Variants in KIAA2012 observed in about 807,000 individuals in gnomAD.
The protein encoded by KIAA2012 is uncharacterized protein KIAA2012.
KIAA2012 carries 125 observed loss-of-function variants against 150.6 expected under a neutral mutation model. The observed-to-expected ratio is 0.83, with a 90% confidence interval of 0.72 to 0.96. KIAA2012 has a LOEUF of 0.96. Among genes scored for constraint, KIAA2012 ranks in the 40% least tolerant of loss-of-function variants. The probability of loss-of-function intolerance (pLI) is 0.00; values close to 1 mark genes in which losing one functional copy is unlikely to be tolerated. For missense variants in KIAA2012, 1,219 were observed against 1,354.9 expected (o/e 0.90, Z 1.57); for synonymous variants, 462 against 504.7 (o/e 0.92, Z 1.13).
intron 4 of KIAA2012, among the ~76,000 whole-genome samples, chr2:202,096,958 CAAGTA>C (rs1378307624): frequency 2.0e-5 from 3 of 152,238 alleles, no homozygotes; most frequent in African/African-American, 4.8e-5. Context: ...GGCTTTTCCA[CAAGTA>C]AAGAGCCAGG....
At chr2:202,125,105 C>A (rs973193631) in intron 11 of KIAA2012, 109 bp from the exon 12 acceptor site, 1 of 878,766 alleles carries the variant, frequency 1.1e-6, no homozygotes, top group Non-Finnish European at 1.8e-6. Flanking sequence ...CATTGCAAAG[C>A]TTAAACACTG....
chr2:202,204,738 A>C (rs577423845), intron 23 of KIAA2012, among the ~76,000 whole-genome samples: 8 of 97,776 alleles, frequency 8.2e-5, no homozygotes, highest in African/African-American at 3.4e-4. Flanking sequence ...CCTTTTTTGT[A>C]AAAATTAAAC....
chr2:202,113,256 A>T, intron 10 of KIAA2012, 80 bp from the exon 11 acceptor site: 1 of 1,071,850 alleles, frequency 9.3e-7, no homozygotes, highest in Non-Finnish European at 1.4e-6. Context: ...GCGGGGGACC[A>T]GGGGAACATG....
chr2:202,165,823 A>G (rs1210621611), intron 15 of KIAA2012, among the ~76,000 whole-genome samples: 1 of 152,206 alleles, frequency 6.6e-6, no homozygotes, highest in Non-Finnish European at 1.5e-5. Context: ...TTGACATCCA[A>G]TCAAAAGTAA....
At chr2:202,162,365 G>T (rs9288326) in intron 14 of KIAA2012, among the ~76,000 whole-genome samples, 4 of 151,640 alleles carry the variant, frequency 2.6e-5, no homozygotes, top group Non-Finnish European at 4.4e-5. Context: ...ACCTCCGCCT[G>T]CTGGGTTCAA....
chr2:202,137,856 C>G (rs1048941995), intron 12 of KIAA2012: 1 of 153,216 alleles, frequency 6.5e-6, no homozygotes, highest in Non-Finnish European at 1.5e-5. Context: ...TGCTGGTGTC[C>G]GGGTGGTGCC....
At chr2:202,153,784 C>A (rs1405843952) in intron 13 of KIAA2012, among the ~76,000 whole-genome samples, 1 of 152,184 alleles carries the variant, frequency 6.6e-6, no homozygotes, top group East Asian at 1.9e-4. Context: ...ATCTGCTCTG[C>A]CTGGCATAGA....
intron 8 of KIAA2012, among the ~76,000 whole-genome samples, chr2:202,105,057 A>AT (rs1437974196): frequency 6.6e-6 from 1 of 152,204 alleles, no homozygotes; most frequent in Non-Finnish European, 1.5e-5. Flanking sequence ...TTTACATGTC[A>AT]TAAGGACCCT....
rs1373539166 is a variant in KIAA2012, at chr2:202,193,260, A to C, written c.2812-41A>C. 3.3e-6 allele frequency: 5 copies of C among 1,531,030 alleles called. No homozygotes were observed. In the South Asian group the frequency reaches 6.0e-5, roughly 18 times the overall value. The allele number at this position is 1,531,030 out of a possible 1,614,324, so 94.8% of individuals were successfully genotyped here. A position where few individuals can be genotyped will look rare whatever the true frequency, so the allele number is the denominator to read the frequency against. On this transcript the variant is annotated intron_variant, in intron 19 of 23. Coordinates refer to ENST00000498697, the MANE Select transcript of KIAA2012 (RefSeq NM_001277372.4). ...GGAGAAGGGCTCACTGCTGAGACAGACCCATCTGTTTATTGCACTGAGAAC... is the reference window on the plus strand; with the variant it reads ...GGAGAAGGGCTCACTGCTGAGACAGCCCCATCTGTTTATTGCACTGAGAAC...
intron 19 of KIAA2012, 105 bp downstream of exon 19, chr2:202,190,598 G>A (rs1443595504): frequency 6.0e-6 from 5 of 832,786 alleles, no homozygotes; most frequent in Non-Finnish European, 9.2e-6. Flanking sequence ...TACTAAAACA[G>A]CTCGACCACC....
intron 19 of KIAA2012, among the ~76,000 whole-genome samples, chr2:202,192,448 T>C (rs903345018): frequency 8.7e-5 from 13 of 149,170 alleles, no homozygotes; most frequent in South Asian, 2.1e-4. Context: ...CCTGGTAAAA[T>C]AGCTTCTTTT....
intron 12 of KIAA2012, chr2:202,136,861 G>A (rs1691076520): frequency 6.6e-6 from 1 of 152,318 alleles, no homozygotes; most frequent in African/African-American, 2.4e-5. Flanking sequence ...GAGTAAGCAA[G>A]GGCTGCTAGC....
chr2:202,202,105 A>G (rs867329102), intron 22 of KIAA2012, among the ~76,000 whole-genome samples: 5 of 151,664 alleles, frequency 3.3e-5, no homozygotes, highest in Admixed American at 6.6e-5. Context: ...GCCTGCCTCT[A>G]CCTCCCAAAG....
chr2:202,094,138 C>G (rs116752103), intron 4 of KIAA2012, among the ~76,000 whole-genome samples: 1 of 152,074 alleles, frequency 6.6e-6, no homozygotes, highest in Non-Finnish European at 1.5e-5. Context: ...AAAATTTTAG[C>G]TGGGCGTGGT....
At position 202,190,418 on chromosome 2, in the gene KIAA2012, A is replaced by C; in HGVS notation, c.2736A>C (p.Ser912=). ...QESQVSLDGR[S]SPSQIATVTG... ...GCCAAGTTTCTCTAGATGGAAGATC[A>C]TCACCCTCTCAGATTGCAACTGTCA... Residue 912 remains serine (S), a synonymous_variant, in exon 19 of 24, where the codon TCA becomes TCC. Transcript: ENST00000498697. The C allele has an allele frequency of 6.4e-7, 1 of 1,550,388 alleles. No individual in the cohort carries two copies. The highest frequency in any genetic ancestry group is 8.7e-7 in the Non-Finnish European group (1 of 1,146,760).
chr2:202,092,720 T>C (rs1689756119), intron 3 of KIAA2012, among the ~76,000 whole-genome samples: 1 of 152,110 alleles, frequency 6.6e-6, no homozygotes, highest in African/African-American at 2.4e-5. Flanking sequence ...GATCTCCTCC[T>C]GAGGCAGGAG....
intron 3 of KIAA2012, among the ~76,000 whole-genome samples, chr2:202,091,874 C>A (rs1689733088): frequency 6.6e-6 from 1 of 152,156 alleles, no homozygotes; most frequent in South Asian, 2.1e-4. Context: ...GAAGAGAAAG[C>A]AATTCACTCC....
At position 202,190,458 on chromosome 2, in the gene KIAA2012, T is replaced by A; in HGVS notation, c.2776T>A (p.Ser926Thr). Residue 926 changes from serine (S) to threonine (T), a missense_variant, in exon 19 of 24, where the codon TCT becomes ACT. Transcript: ENST00000498697. The stretch of plus-strand genomic sequence containing the variant: ...TGCAACTGTCACTGGCAACATGGAA[T>A]CTAAAGAAGAGAGAAGATGTGAGGA... The part of the protein sequence containing the change: ...QIATVTGNME[S>T]KEERRCEDPS... The A allele has an allele frequency of 6.5e-7, 1 of 1,544,736 alleles. No homozygotes were observed. Among genetic ancestry groups the A allele is most frequent in the Non-Finnish European group, 8.7e-7 (1 of 1,143,662 alleles).
rs558155634 is a variant in KIAA2012 at position 202,132,747 on chromosome 2, A to G, written c.1832-5685A>G. Among the ~76,000 whole-genome samples the G allele has an allele frequency of 1.7e-3, 182 of 104,364 alleles. 9 individuals carry two copies. The highest frequency in any genetic ancestry group is 6.7e-3 in the African/African-American group (178 of 26,440). The allele number at this position is 104,364 out of a possible 152,430, so 68.5% of individuals were successfully genotyped here. ...ATATATAGTATATATGTATATATATAGTATATATGTATATATATACATATA... is the reference window on the plus strand; with the variant it reads ...ATATATAGTATATATGTATATATATGGTATATATGTATATATATACATATA... On this transcript the variant is annotated intron_variant, in intron 12 of 23. Coordinates refer to ENST00000498697, the MANE Select transcript of KIAA2012 (RefSeq NM_001277372.4).
Sources: gnomAD v4.1 joint callset for allele counts (sites outside exome capture counted in the v4.1 genomes callset) on GRCh38, gnomAD v4.1.1 for gene constraint, MANE v1.5 for transcripts, NCBI Gene and HGNC (gene_info 2026-07-23, HGNC 2026-07-21) for gene names.